The following CLNK variants were observed in gnomAD, a reference collection of about 807,000 sequenced individuals.
CLNK encodes the protein cytokine-dependent hematopoietic cell linker.
In CLNK, 74 loss-of-function variants were observed where a neutral mutation model predicts 68.6. The ratio of observed to expected loss-of-function variants is 1.08; its 90% confidence interval spans 0.89 to 1.31. The LOEUF is 1.31. Ranked by LOEUF, CLNK falls within the 50% of genes most tolerant of loss-of-function variation. CLNK has a pLI of 0.00. For synonymous variants in CLNK, 198 were observed against 172.2 expected (o/e 1.15, Z -1.17); for missense variants, 553 against 515.3 (o/e 1.07, Z -0.71).
intron 16 of CLNK, among the ~76,000 whole-genome samples, chr4:10,508,237 C>T (rs1717397287): frequency 6.6e-6 from 1 of 152,200 alleles, no homozygotes. Context: ...AAAGTTACTG[C>T]AGCTGGGGAA....
intron 2 of CLNK, among the ~76,000 whole-genome samples, chr4:10,657,872 A>G (rs1385139911): frequency 6.6e-6 from 1 of 152,240 alleles, no homozygotes; most frequent in Non-Finnish European, 1.5e-5. Flanking sequence ...TATCCTAAGT[A>G]GTCAAATTAT....
chr4:10,553,232 T>G (rs1224714711), intron 8 of CLNK, among the ~76,000 whole-genome samples: 2 of 152,158 alleles, frequency 1.3e-5, no homozygotes, highest in Non-Finnish European at 2.9e-5. Context: ...GATCTAGGTT[T>G]TTCTAAAATG....
intron 4 of CLNK, among the ~76,000 whole-genome samples, chr4:10,584,327 C>G (rs1720895074): frequency 6.6e-6 from 1 of 152,184 alleles, no homozygotes; most frequent in Non-Finnish European, 1.5e-5. Context: ...GACAATGTCT[C>G]CATTTTTCTG....
intron 8 of CLNK, among the ~76,000 whole-genome samples, chr4:10,546,511 T>C (rs887512206): frequency 2.0e-5 from 3 of 152,236 alleles, no homozygotes; most frequent in African/African-American, 7.2e-5. Flanking sequence ...GAATGGCCTT[T>C]ACTGTCTATA....
At chr4:10,534,994 G>A (rs1246282484) in intron 11 of CLNK, among the ~76,000 whole-genome samples, 1 of 152,018 alleles carries the variant, frequency 6.6e-6, no homozygotes, top group East Asian at 1.9e-4. Flanking sequence ...CAAATCATCA[G>A]AGCATACATT....
intron 2 of CLNK, among the ~76,000 whole-genome samples, chr4:10,659,167 C>G (rs1724094494): frequency 6.6e-6 from 1 of 152,178 alleles, no homozygotes; most frequent in East Asian, 1.9e-4. Context: ...TGCTACTGCA[C>G]TACAGCCTGG....
At chr4:10,567,253 A>T (rs1174221222) in intron 5 of CLNK, among the ~76,000 whole-genome samples, 3 of 152,138 alleles carry the variant, frequency 2.0e-5, no homozygotes. Context: ...GGATAATTGG[A>T]ATATAATTGA....
intron 4 of CLNK, among the ~76,000 whole-genome samples, chr4:10,580,566 C>T (rs1720741342): frequency 6.6e-6 from 1 of 151,888 alleles, no homozygotes. Flanking sequence ...TATTGATGAT[C>T]CTGATGCTCA....
chr4:10,708,821 T>A, the CLNK span, among the ~76,000 whole-genome samples: 1 of 152,182 alleles, frequency 6.6e-6, no homozygotes, highest in Non-Finnish European at 1.5e-5. Context: ...CCTTCATTCA[T>A]AGCATTTACA....
intron 14 of CLNK, among the ~76,000 whole-genome samples, chr4:10,523,174 A>G (rs2109049705): frequency 6.6e-6 from 1 of 152,366 alleles, no homozygotes; most frequent in Non-Finnish European, 1.5e-5. Flanking sequence ...TGGGTGGGAT[A>G]GGAAGAGTGA....
chr4:10,609,950 C>T (rs904116623), intron 2 of CLNK, among the ~76,000 whole-genome samples: 3 of 151,616 alleles, frequency 2.0e-5, no homozygotes, highest in Non-Finnish European at 4.4e-5. Context: ...GTGAGGTGAT[C>T]CGGGTCCCTT....
chr4:10,654,835 GC>G (rs1723899118), intron 2 of CLNK, among the ~76,000 whole-genome samples: 1 of 152,078 alleles, frequency 6.6e-6, no homozygotes, highest in Non-Finnish European at 1.5e-5. Flanking sequence ...AGGCGTGGTG[GC>G]TCATGCCTGT....
At chr4:10,557,191 T>C (rs1185707781) in intron 8 of CLNK, among the ~76,000 whole-genome samples, 1 of 152,134 alleles carries the variant, frequency 6.6e-6, no homozygotes, top group Non-Finnish European at 1.5e-5. Flanking sequence ...TTGGCTACTC[T>C]CTGTCCCCTT....
In CLNK at chr4:10,582,516, C is replaced by T. The variant is rs577624836; in HGVS notation, c.112+2411G>A. ...AGAAGGACCCACTTTCTAAATAGGG[C>T]CATCTTTTCCAGTTTCATTCTTTAT... On this transcript the variant is annotated intron_variant, in intron 4 of 18. Transcript: ENST00000226951. 2.6e-5 allele frequency among the ~76,000 whole-genome samples: 4 copies of T among 152,060 alleles called. No individual in the cohort carries two copies. In the East Asian group the frequency reaches 7.7e-4, roughly 29 times the overall value.
chr4:10,537,655 CTT>C (rs1483259233), intron 11 of CLNK, among the ~76,000 whole-genome samples: 269 of 52,680 alleles, frequency 5.1e-3, no homozygotes, highest in Middle Eastern at 0.029. Flanking sequence ...TTCTTTCTTT[CTT>C]TCTTTCTTTC....
At chr4:10,542,638 ATGTGTGTGTGTGTGTGTATGTGTG>A (rs761329702) in intron 8 of CLNK, among the ~76,000 whole-genome samples, 1 of 147,650 alleles carries the variant, frequency 6.8e-6, no homozygotes, top group African/African-American at 2.5e-5. Flanking sequence ...GCATGTGTAT[ATGTGTGTGTGTGTGTGTATGTGTG>A]TGTGTGTGTG....
chr4:10,717,837 A>G, the CLNK span, among the ~76,000 whole-genome samples: 64 of 152,352 alleles, frequency 4.2e-4, no homozygotes, highest in Non-Finnish European at 7.2e-4. Flanking sequence ...ACCAAGAACC[A>G]TAAAATTTCA....
At chr4:10,687,497 G>T (rs921029510), upstream of CLNK, among the ~76,000 whole-genome samples, 3 of 152,008 alleles carry the variant, frequency 2.0e-5, no homozygotes, top group Non-Finnish European at 4.4e-5. Context: ...ACAAAAGAAG[G>T]CTTCTAAGAA....
intron 2 of CLNK, among the ~76,000 whole-genome samples, chr4:10,610,605 AG>A: frequency 6.6e-6 from 1 of 152,272 alleles, no homozygotes; most frequent in Admixed American, 6.5e-5. Flanking sequence ...TCGACTGTCA[AG>A]AGATGTAGCT....
Sources: allele counts gnomAD v4.1 joint callset (sites outside exome capture counted in the v4.1 genomes callset), GRCh38; gene constraint gnomAD v4.1.1; transcripts MANE v1.5; gene names NCBI Gene and HGNC (gene_info 2026-07-23, HGNC 2026-07-21).